The following VEGFC variants were observed in gnomAD, a reference collection of about 807,000 sequenced individuals.
VEGFC encodes vascular endothelial growth factor C.
In VEGFC, 12 loss-of-function variants were observed where a neutral mutation model predicts 46.1. The ratio of observed to expected loss-of-function variants is 0.26; its 90% CI spans 0.17 to 0.42. VEGFC has a LOEUF of 0.42. Among genes scored for constraint, VEGFC ranks in the 10% least tolerant of loss-of-function variants. VEGFC has a pLI of 1.00. For missense variants in VEGFC, 488 were observed against 529.4 expected, an observed-to-expected ratio of 0.92 and a Z score of 0.77; for synonymous variants, 232 against 195.5, an observed-to-expected ratio of 1.19 and a Z score of -1.56.
chr4:176,763,453 T>C (rs1250950952), intron 1 of VEGFC, among the ~76,000 whole-genome samples: 1 of 152,212 alleles, frequency 6.6e-6, no homozygotes, highest in Non-Finnish European at 1.5e-5. Context: ...TAGAACATCA[T>C]TCCAATTACA....
intron 1 of VEGFC, among the ~76,000 whole-genome samples, chr4:176,779,442 T>C (rs1242176431): frequency 1.3e-5 from 2 of 152,104 alleles, no homozygotes; most frequent in African/African-American, 4.8e-5. Flanking sequence ...AATTGCAAAA[T>C]AGTATACTGG....
rs182363623 is a variant in VEGFC at position 176,792,861 on chromosome 4, T to A, written c.-550A>T. The A allele has an allele frequency of 2.0e-5, 3 of 147,446 alleles. No individual in the cohort carries two copies. Among genetic ancestry groups the A allele is most frequent in the Admixed American group, 6.8e-5 (1 of 14,678 alleles). 9.1% of individuals were successfully genotyped at this position (147,446 alleles called of 1,614,324 possible). On this transcript the variant is annotated 5_prime_UTR_variant, in exon 1 of 7. Transcript: ENST00000618562. This position sits in a 1 kb window ranked among gnomAD's most constrained non-coding sequence, Gnocchi z 6.3. Reference sequence around the variant, plus strand: ...GGCCCGGGAGCGCCGCGGCGCAGGATCCTCCAGAGCGCGCCGGGCTGAGCG... The same window carrying A: ...GGCCCGGGAGCGCCGCGGCGCAGGAACCTCCAGAGCGCGCCGGGCTGAGCG...
chr4:176,722,000 T>C (rs1474144995), intron 3 of VEGFC, among the ~76,000 whole-genome samples: 5 of 152,268 alleles, frequency 3.3e-5, no homozygotes, highest in Admixed American at 3.3e-4. Flanking sequence ...TCTCAAAATC[T>C]TCAAATCTTT....
Position 176,683,790 on chromosome 4 carries a change from C to A in VEGFC, c.*136G>T, listed in dbSNP as rs1733984755. On this transcript the variant is annotated 3_prime_UTR_variant, in exon 7 of 7. Coordinates refer to ENST00000618562, the MANE Select transcript of VEGFC (RefSeq NM_005429.5). ...CTCCAGTCCATTTCTGTAAAGTTAT[C>A]CACATGGTTCAGGAAAGACAGACTT... The A allele has an allele frequency of 1.5e-6, 1 of 653,024 alleles. No individual in the cohort carries two copies. The highest frequency in any genetic ancestry group is 2.7e-5 in the East Asian group (1 of 37,668). The allele number at this position is 653,024 out of a possible 1,614,324, so 40.5% of individuals were successfully genotyped here. A position where few individuals can be genotyped will look rare whatever the true frequency, so the allele number is the denominator to read the frequency against.
chr4:176,690,395 G>A (rs973464480), intron 4 of VEGFC, among the ~76,000 whole-genome samples: 4 of 148,744 alleles, frequency 2.7e-5, no homozygotes, highest in African/African-American at 9.9e-5. Flanking sequence ...TTGCATATAT[G>A]TTTTTTCACA....
At chr4:176,755,120 A>G (rs556747750) in intron 1 of VEGFC, among the ~76,000 whole-genome samples, 1 of 152,220 alleles carries the variant, frequency 6.6e-6, no homozygotes, top group African/African-American at 2.4e-5. Flanking sequence ...AGATGTATAC[A>G]TTCAGAAATG....
At chr4:176,776,072 C>T (rs761156166) in intron 1 of VEGFC, among the ~76,000 whole-genome samples, 1 of 152,092 alleles carries the variant, frequency 6.6e-6, no homozygotes, top group Non-Finnish European at 1.5e-5. Flanking sequence ...TATCTTAACC[C>T]TAAGGGTCAA....
At chr4:176,778,350 G>A (rs139578774) in intron 1 of VEGFC, among the ~76,000 whole-genome samples, 28 of 151,618 alleles carry the variant, frequency 1.8e-4, no homozygotes, top group African/African-American at 6.1e-4. Flanking sequence ...TTATAATTGG[G>A]AGCAAGAAAG....
At chr4:176,723,673 G>A (rs187516892) in intron 3 of VEGFC, among the ~76,000 whole-genome samples, 5 of 147,074 alleles carry the variant, frequency 3.4e-5, no homozygotes, top group South Asian at 2.2e-4. Flanking sequence ...TAGGTTTCGC[G>A]GTGCATATGC....
chr4:176,729,436 A>G, intron 2 of VEGFC, 97 bp downstream of exon 2: 2 of 979,070 alleles, frequency 2.0e-6, no homozygotes, highest in Non-Finnish European at 2.9e-6. Flanking sequence ...CTAAAGGTGT[A>G]TTCGGTGATA....
At chr4:176,723,346 G>A (rs1734820169) in intron 3 of VEGFC, among the ~76,000 whole-genome samples, 1 of 151,854 alleles carries the variant, frequency 6.6e-6, no homozygotes, top group South Asian at 2.1e-4. Context: ...CATATATAAA[G>A]TTTATATTTA....
At chr4:176,708,051 T>C (rs1734566263) in intron 4 of VEGFC, among the ~76,000 whole-genome samples, 2 of 151,862 alleles carry the variant, frequency 1.3e-5, no homozygotes, top group Admixed American at 1.3e-4. Context: ...AAATTAATAT[T>C]TATCATCTAT....
Position 176,740,518 on chromosome 4 carries a change from G to T in VEGFC, c.148-10772C>A, listed in dbSNP as rs1289203635. Among the ~76,000 whole-genome samples, 210 of 21,420 alleles carry T rather than the reference G, an allele frequency of 9.8e-3. 5 individuals are homozygous for T. In the Non-Finnish European group the frequency reaches 0.13, roughly 13 times the overall value. The allele number at this position is 21,420 out of a possible 152,430, so 14.1% of individuals were successfully genotyped here. ...TATATAACTATATATTCTATATATA[G>T]AGAGTATATATAACTATATATAGAA... On this transcript the variant is annotated intron_variant, in intron 1 of 6. Coordinates refer to ENST00000618562, the MANE Select transcript of VEGFC (RefSeq NM_005429.5).
chr4:176,742,194 T>A (rs2110880646), intron 1 of VEGFC, among the ~76,000 whole-genome samples: 1 of 152,150 alleles, frequency 6.6e-6, no homozygotes, highest in African/African-American at 2.4e-5. Flanking sequence ...TATTTGATTT[T>A]CTGTTTCTGT....
At chr4:176,777,556 G>A (rs1309551561) in intron 1 of VEGFC, among the ~76,000 whole-genome samples, 1 of 151,964 alleles carries the variant, frequency 6.6e-6, no homozygotes, top group Non-Finnish European at 1.5e-5. Flanking sequence ...CTAAATACTG[G>A]CTTATAGGCA....
chr4:176,722,488 G>GTTTTTTTTTTTTTTTTTTTTTTTTTTTT (rs138526102), intron 3 of VEGFC, among the ~76,000 whole-genome samples: 1 of 134,980 alleles, frequency 7.4e-6, no homozygotes. Flanking sequence ...TTTTTCTTTT[G>GTTTTTTTTTTTTTTTTTTTTTTTTTTTT]TTTTTTTTTT....
Position 176,792,294 on chromosome 4 carries a change from G to A in VEGFC, c.18C>T (p.Phe6=). 1 of 1,526,980 alleles carries A rather than the reference G, an allele frequency of 6.5e-7. No homozygotes were observed. The allele number at this position is 1,526,980 out of a possible 1,614,324, so 94.6% of individuals were successfully genotyped here. A position where few individuals can be genotyped will look rare whatever the true frequency, so the allele number is the denominator to read the frequency against. Residue 6 remains phenylalanine (F), a synonymous_variant, in exon 1 of 7, where the codon TTC becomes TTT. Transcript: ENST00000618562. The surrounding 1 kb of genome is among the most constrained non-coding windows in gnomAD (Gnocchi z 6.3). ...CGAGCAGAGAACACGCCACAGAGAA[G>A]AAGCCCAGCAAGTGCATGGTGGAAG... MHLLG[F]FSVACSLLAA...
chr4:176,706,943 G>A (rs1444494056), intron 4 of VEGFC, among the ~76,000 whole-genome samples: 1 of 152,136 alleles, frequency 6.6e-6, no homozygotes, highest in African/African-American at 2.4e-5. Flanking sequence ...TCACTCTAGA[G>A]TACATTTGCG....
At chr4:176,790,966 T>C (rs1736080652) in intron 1 of VEGFC, among the ~76,000 whole-genome samples, 2 of 152,204 alleles carry the variant, frequency 1.3e-5, no homozygotes, top group African/African-American at 2.4e-5. Context: ...AACCCCTATA[T>C]TAAATTATTA....
Sources: gnomAD v4.1 joint callset for allele counts (sites outside exome capture counted in the v4.1 genomes callset) on GRCh38, gnomAD v4.1.1 for gene constraint, Gnocchi (gnomAD v3.1) non-coding constraint, MANE v1.5 for transcripts, NCBI Gene and HGNC (gene_info 2026-07-23, HGNC 2026-07-21) for gene names.